CELF2: variants seen among roughly 807,000 people sequenced by gnomAD.
The protein encoded by CELF2 is CUGBP Elav-like family member 2.
Under a neutral mutation model 62.6 loss-of-function variants are expected in CELF2, and 8 were observed. The ratio of observed to expected loss-of-function variants is 0.13; its 90% CI spans 0.07 to 0.23. The LOEUF (loss-of-function observed/expected upper bound fraction) is 0.23. Ranked by LOEUF, CELF2 falls within the 10% of genes least tolerant of loss-of-function variation. The pLI is 1.00. For missense variants in CELF2, 333 were observed against 671.0 expected, an observed-to-expected ratio of 0.50 and a Z score of 5.56; for synonymous variants, 258 against 250.0, an observed-to-expected ratio of 1.03 and a Z score of -0.30.
At chr10:11,294,546 C>G (rs571205188) in intron 9 of CELF2, among the ~76,000 whole-genome samples, 1 of 152,298 alleles carries the variant, frequency 6.6e-6, no homozygotes, top group African/African-American at 2.4e-5. Flanking sequence ...TTCTTCCCTC[C>G]ACTAGCGGCT....
intron 1 of CELF2, among the ~76,000 whole-genome samples, chr10:11,085,434 C>T (rs1459490405): frequency 6.6e-6 from 1 of 152,174 alleles, no homozygotes; most frequent in Admixed American, 6.5e-5. Context: ...AATGAAGAGT[C>T]CAGGAGATTG....
intron 1 of CELF2, among the ~76,000 whole-genome samples, chr10:10,887,227 A>G (rs1341216003): frequency 6.6e-6 from 1 of 151,778 alleles, no homozygotes; most frequent in African/African-American, 2.4e-5. Flanking sequence ...TCCCGTAAGC[A>G]TTTCTGACAG....
chr10:10,783,509 A>G, the CELF2 span, among the ~76,000 whole-genome samples: 3 of 152,204 alleles, frequency 2.0e-5, no homozygotes, highest in African/African-American at 7.2e-5. Context: ...TTAGACTTCC[A>G]GCCTCCAGAA....
At chr10:10,495,683 T>C in the CELF2 span, among the ~76,000 whole-genome samples, 1 of 152,206 alleles carries the variant, frequency 6.6e-6, no homozygotes, top group Non-Finnish European at 1.5e-5. Context: ...CCATCAGTAC[T>C]GCAATTACCA....
chr10:10,848,568 C>T lies in CELF2; in HGVS notation c.53+49751C>T, dbSNP rs185738188. The stretch of plus-strand genomic sequence containing the variant: ...TCAGAGCCACCCATAACAGAAGGCT[C>T]GTGGGGCAAGAGTTCTGTTTCCTGC... On this transcript the variant is annotated intron_variant, in intron 1 of 13. Transcript: ENST00000636488. 8.5e-5 allele frequency among the ~76,000 whole-genome samples: 13 copies of T among 152,252 alleles called. No homozygotes were observed. In the East Asian group the frequency reaches 2.1e-3, roughly 25 times the overall value.
At position 10,906,070 on chromosome 10, in the gene CELF2, CAATAAA is replaced by C. The variant is rs969436963; in HGVS notation, c.54-13873_54-13868del. On this transcript the variant is annotated intron_variant, in intron 1 of 13. Coordinates refer to the CELF2 transcript ENST00000636488. ...TGGGCGATAGAGCCAGATTCTGTCTCAATAAAAATAAAAATAAAAATAAAAAAATAA... is the reference window on the plus strand; with the variant it reads ...TGGGCGATAGAGCCAGATTCTGTCTCAATAAAAATAAAAATAAAAAAATAA... 3.3e-5 allele frequency among the ~76,000 whole-genome samples: 5 copies of C among 151,674 alleles called. No individual in the cohort carries two copies. In the South Asian group the frequency reaches 8.3e-4, roughly 25 times the overall value.
At position 11,207,320 on chromosome 10, in the gene CELF2, A is replaced by G. The variant is rs932806860; in HGVS notation, c.272-10105A>G. On this transcript the variant is annotated intron_variant, in intron 2 of 12. Coordinates refer to ENST00000633077, the MANE Select transcript of CELF2 (RefSeq NM_001326342.2). This position sits in a 1 kb window ranked among gnomAD's most constrained non-coding sequence, Gnocchi z 4.1. The stretch of plus-strand genomic sequence containing the variant: ...TGCTAGTCTTCACGGGGTCATGGAA[A>G]TAACAGAAGATGGTTCCTCCAGGGA... Among the ~76,000 whole-genome samples the G allele has an allele frequency of 6.6e-6, 1 of 152,222 alleles. No homozygotes were observed. The highest frequency in any genetic ancestry group is 1.5e-5 in the Non-Finnish European group (1 of 68,038).
the CELF2 span, among the ~76,000 whole-genome samples, chr10:10,741,740 C>T: frequency 3.9e-5 from 6 of 152,104 alleles, no homozygotes; most frequent in African/African-American, 1.2e-4. Flanking sequence ...GCCTTGTCCA[C>T]TCAGTATCTC....
intron 1 of CELF2, among the ~76,000 whole-genome samples, chr10:10,849,418 A>G (rs533550470): frequency 1.3e-5 from 2 of 151,926 alleles, no homozygotes; most frequent in South Asian, 4.2e-4. Context: ...AAAAACAAAA[A>G]AGAAAAGAAA....
At position 11,255,362 on chromosome 10, in the gene CELF2, C is replaced by A. The variant is rs374928689; in HGVS notation, c.404-2376C>A. On this transcript the variant is annotated intron_variant, in intron 4 of 12. Coordinates refer to ENST00000633077, the MANE Select transcript of CELF2 (RefSeq NM_001326342.2). This position sits in a 1 kb window ranked among gnomAD's most constrained non-coding sequence, Gnocchi z 5.5. ...CTGAGCTCCTTCTCTGCACATGAAG[C>A]GGAAGATGGGGCGTGCCATCCTGAG... is the stretch of plus-strand genomic sequence containing the variant. Among the ~76,000 whole-genome samples, 1 of 152,102 alleles carries A rather than the reference C, an allele frequency of 6.6e-6. No individual in the cohort carries two copies. Among genetic ancestry groups the A allele is most frequent in the East Asian group, 1.9e-4 (1 of 5,176 alleles).
chr10:11,279,612 C>T (rs2087523997), intron 8 of CELF2, among the ~76,000 whole-genome samples: 1 of 152,166 alleles, frequency 6.6e-6, no homozygotes, highest in Non-Finnish European at 1.5e-5. Flanking sequence ...GATTGGCAAG[C>T]ACTTGTAACA....
At chr10:10,792,459 A>G in the CELF2 span, 6 of 398,310 alleles carry the variant, frequency 1.5e-5, no homozygotes, top group Non-Finnish European at 2.7e-5. Flanking sequence ...TTTGACTGGC[A>G]ACTTGGCAAC....
At chr10:11,080,758 A>G (rs1181563572) in intron 1 of CELF2, among the ~76,000 whole-genome samples, 2 of 152,214 alleles carry the variant, frequency 1.3e-5, no homozygotes, top group African/African-American at 4.8e-5. Context: ...GAGGTGGAGG[A>G]GGATGCTGGA....
the CELF2 span, among the ~76,000 whole-genome samples, chr10:10,773,189 C>A: frequency 3.3e-5 from 5 of 152,094 alleles, no homozygotes; most frequent in Admixed American, 3.3e-4. Context: ...GGAAAAATAA[C>A]CCCCCACCTT....
In CELF2 at chr10:11,260,295, C is replaced by G. The variant is rs777646599; in HGVS notation, c.538+2423C>G. Among the ~76,000 whole-genome samples the G allele has an allele frequency of 6.6e-6, 1 of 152,190 alleles. No individual in the cohort carries two copies. Among genetic ancestry groups the G allele is most frequent in the African/African-American group, 2.4e-5 (1 of 41,428 alleles). On this transcript the variant is annotated intron_variant, in intron 5 of 12. Coordinates refer to ENST00000633077, the MANE Select transcript of CELF2 (RefSeq NM_001326342.2). The surrounding 1 kb of genome is among the most constrained non-coding windows in gnomAD (Gnocchi z 4.2). ...GTATGTGTGCTTGATTTCTGCTCCC[C>G]GTCTGCTGGCCTGGCTGATCTAGGC...
chr10:11,078,608 C>G (rs2072911082), intron 1 of CELF2, among the ~76,000 whole-genome samples: 2 of 152,146 alleles, frequency 1.3e-5, no homozygotes, highest in Admixed American at 6.5e-5. Context: ...CTCAGAAAAG[C>G]TAGGTAGAGA....
intron 1 of CELF2, among the ~76,000 whole-genome samples, chr10:11,060,067 A>G (rs1444561012): frequency 6.6e-6 from 1 of 152,214 alleles, no homozygotes; most frequent in Non-Finnish European, 1.5e-5. Context: ...GAAGTCTAGT[A>G]AGAGAGTTGG....
chr10:10,630,939 T>C, the CELF2 span, among the ~76,000 whole-genome samples: 1 of 152,208 alleles, frequency 6.6e-6, no homozygotes, highest in Non-Finnish European at 1.5e-5. Flanking sequence ...TGTACATTTT[T>C]ATGCCTCATT....
chr10:10,789,456 C>T, the CELF2 span, among the ~76,000 whole-genome samples: 1 of 152,106 alleles, frequency 6.6e-6, no homozygotes, highest in African/African-American at 2.4e-5. Flanking sequence ...TACGAATATC[C>T]TGCACATAAA....
Sources: allele counts gnomAD v4.1 joint callset (sites outside exome capture counted in the v4.1 genomes callset), GRCh38; gene constraint gnomAD v4.1.1; non-coding constraint Gnocchi (gnomAD v3.1); transcripts MANE v1.5; gene names NCBI Gene and HGNC (gene_info 2026-07-23, HGNC 2026-07-21).